CADPS2: variants seen among roughly 807,000 people sequenced by gnomAD.
CADPS2 encodes the protein calcium dependent secretion activator 2.
CADPS2 carries 93 observed loss-of-function variants against 172.5 expected under a neutral mutation model. The ratio of observed to expected loss-of-function variants is 0.54; its 90% CI spans 0.46 to 0.64. CADPS2 has a LOEUF of 0.64. CADPS2 is among the 30% of genes least tolerant of loss of function. The probability of loss-of-function intolerance (pLI) is 0.00; values close to 1 mark genes in which losing one functional copy is unlikely to be tolerated. For missense variants in CADPS2, 1,420 were observed against 1,565.9 expected (o/e 0.91, Z 1.57); for synonymous variants, 546 against 555.2 (o/e 0.98, Z 0.23).
intron 14 of CADPS2, among the ~76,000 whole-genome samples, chr7:122,469,721 A>G (rs1430127683): frequency 6.6e-6 from 1 of 152,170 alleles, no homozygotes; most frequent in Non-Finnish European, 1.5e-5. Flanking sequence ...GTGTACCTAC[A>G]AAATGTAACA....
chr7:122,688,937 C>T (rs2083973959), intron 2 of CADPS2, among the ~76,000 whole-genome samples: 1 of 152,128 alleles, frequency 6.6e-6, no homozygotes, highest in Admixed American at 6.5e-5. Flanking sequence ...TATATACACA[C>T]AGGCTTTATA....
chr7:122,460,988 T>C lies in CADPS2; in HGVS notation c.2187-9513A>G, dbSNP rs760559071. On this transcript the variant is annotated intron_variant, in intron 14 of 29. Coordinates refer to ENST00000449022, the MANE Select transcript of CADPS2 (RefSeq NM_017954.11). The stretch of plus-strand genomic sequence containing the variant: ...GACAAGCCACACTAATTCATTTCTA[T>C]ATTGTCCATGACTGCTTCTGCACAG... Among the ~76,000 whole-genome samples the C allele has an allele frequency of 2.8e-4, 43 of 152,354 alleles. 1 individual carries two copies. The highest frequency in any genetic ancestry group is 4.0e-4 in the Non-Finnish European group (27 of 68,024).
chr7:122,431,558 C>T (rs557726466), intron 17 of CADPS2, among the ~76,000 whole-genome samples: 5 of 152,028 alleles, frequency 3.3e-5, no homozygotes, highest in Non-Finnish European at 5.9e-5. Context: ...TCGTCAAGGG[C>T]GGGGAGTGTA....
At chr7:122,626,903 T>C (rs1399816917) in intron 4 of CADPS2, among the ~76,000 whole-genome samples, 1 of 152,230 alleles carries the variant, frequency 6.6e-6, no homozygotes, top group Non-Finnish European at 1.5e-5. Flanking sequence ...GTTCACTACT[T>C]CCTAATTACC....
intron 6 of CADPS2, among the ~76,000 whole-genome samples, chr7:122,606,153 T>C (rs2073503635): frequency 6.6e-6 from 1 of 152,202 alleles, no homozygotes; most frequent in African/African-American, 2.4e-5. Flanking sequence ...AATGGTAATA[T>C]TACACATTTG....
intron 14 of CADPS2, among the ~76,000 whole-genome samples, chr7:122,460,630 TAAAC>T (rs2054328125): frequency 6.6e-6 from 1 of 151,780 alleles, no homozygotes; most frequent in South Asian, 2.1e-4. Flanking sequence ...TAAAAAATAA[TAAAC>T]AAGTGACCAT....
At chr7:122,785,911 T>C (rs989521937) in intron 1 of CADPS2, among the ~76,000 whole-genome samples, 2 of 152,188 alleles carry the variant, frequency 1.3e-5, no homozygotes, top group African/African-American at 4.8e-5. Context: ...ATCAGTTGCC[T>C]ATAGGTCCTC....
At chr7:122,782,782 A>C (rs1793078751) in intron 1 of CADPS2, among the ~76,000 whole-genome samples, 1 of 152,170 alleles carries the variant, frequency 6.6e-6, no homozygotes, top group African/African-American at 2.4e-5. Context: ...ACATTTTATT[A>C]TTTTTTAATA....
intron 1 of CADPS2, among the ~76,000 whole-genome samples, chr7:122,798,348 G>A (rs928641962): frequency 6.6e-6 from 1 of 152,130 alleles, no homozygotes; most frequent in African/African-American, 2.4e-5. Context: ...TTCAAAATAA[G>A]TGTATAAACT....
chr7:122,723,450 G>C (rs531618295), intron 2 of CADPS2, among the ~76,000 whole-genome samples: 143 of 152,314 alleles, frequency 9.4e-4, no homozygotes, highest in African/African-American at 3.3e-3. Flanking sequence ...CAGGCCATCA[G>C]AGAAATGCAA....
At chr7:122,689,318 TG>T (rs2135999251) in intron 2 of CADPS2, among the ~76,000 whole-genome samples, 1 of 152,260 alleles carries the variant, frequency 6.6e-6, no homozygotes, top group African/African-American at 2.4e-5. Flanking sequence ...AGTGCCACCT[TG>T]GGCAGCTGTG....
At chr7:122,411,572 A>T (rs1247832020) in intron 19 of CADPS2, among the ~76,000 whole-genome samples, 1 of 152,138 alleles carries the variant, frequency 6.6e-6, no homozygotes, top group Non-Finnish European at 1.5e-5. Context: ...AAAACAAAAA[A>T]GGAGGATGGC....
At chr7:122,728,171 A>C (rs907110127) in intron 2 of CADPS2, among the ~76,000 whole-genome samples, 1 of 151,936 alleles carries the variant, frequency 6.6e-6, no homozygotes, top group Non-Finnish European at 1.5e-5. Flanking sequence ...TTTTTCATCA[A>C]AATATTTAAA....
intron 1 of CADPS2, among the ~76,000 whole-genome samples, chr7:122,769,008 CACA>C (rs928015388): frequency 1.3e-5 from 2 of 151,696 alleles, no homozygotes; most frequent in Admixed American, 6.6e-5. Flanking sequence ...ATTTCTAGAT[CACA>C]ACAAGGCTGC....
chr7:122,838,032 A>T (rs185166188), intron 1 of CADPS2, among the ~76,000 whole-genome samples: 1 of 152,368 alleles, frequency 6.6e-6, no homozygotes, highest in East Asian at 1.9e-4. Flanking sequence ...AATCCTCAAT[A>T]AAATACTGGC....
intron 15 of CADPS2, among the ~76,000 whole-genome samples, chr7:122,444,267 G>A (rs937199885): frequency 6.6e-6 from 1 of 152,208 alleles, no homozygotes; most frequent in East Asian, 1.9e-4. Context: ...ATGTTGGTAT[G>A]AGCAATCATA....
chr7:122,416,307 AAAC>A, intron 17 of CADPS2, 143 bp from the exon 18 acceptor site: 2 of 472,138 alleles, frequency 4.2e-6, no homozygotes, highest in South Asian at 9.5e-5. Context: ...AAAAAAAAAA[AAAC>A]AGTTCACCAG....
intron 11 of CADPS2, among the ~76,000 whole-genome samples, chr7:122,485,318 T>C (rs2057695801): frequency 6.6e-6 from 1 of 152,198 alleles, no homozygotes; most frequent in African/African-American, 2.4e-5. Flanking sequence ...GTAGCTAAGT[T>C]GTGAATGCAA....
At chr7:122,381,145 C>T (rs1186716095) in intron 24 of CADPS2, among the ~76,000 whole-genome samples, 2 of 152,044 alleles carry the variant, frequency 1.3e-5, no homozygotes, top group East Asian at 3.9e-4. Context: ...AAAAAAGGCC[C>T]CCCAGCTCCT....
Sources: gnomAD v4.1 joint callset for allele counts (sites outside exome capture counted in the v4.1 genomes callset) on GRCh38, gnomAD v4.1.1 for gene constraint, MANE v1.5 for transcripts, NCBI Gene and HGNC (gene_info 2026-07-23, HGNC 2026-07-21) for gene names.